ARL8B: variants seen among roughly 807,000 people sequenced by gnomAD.
The protein encoded by ARL8B is ARF like GTPase 8B.
In ARL8B, 9 loss-of-function variants were observed where a neutral mutation model predicts 30.6. The observed-to-expected ratio is 0.29, with a 90% CI of 0.18 to 0.51. The LOEUF is 0.51. ARL8B is among the 20% of genes least tolerant of loss of function. The probability of loss-of-function intolerance (pLI) is 0.97; values close to 1 mark genes in which losing one functional copy is unlikely to be tolerated. For missense variants in ARL8B, 130 were observed against 227.2 expected (o/e 0.57, Z 2.75); for synonymous variants, 74 against 76.0 (o/e 0.97, Z 0.14).
At chr3:5,128,432 C>CGGG (rs754856033) in intron 1 of ARL8B, 1 of 453,404 alleles carries the variant, frequency 2.2e-6, no homozygotes, top group South Asian at 1.6e-5. Context: ...CCTTCATCCC[C>CGGG]GCTCCAATTA....
intron 1 of ARL8B, among the ~76,000 whole-genome samples, chr3:5,136,359 A>G (rs1290429378): frequency 6.6e-6 from 1 of 152,202 alleles, no homozygotes; most frequent in Non-Finnish European, 1.5e-5. Flanking sequence ...TTCAATTCCA[A>G]TTCAGTCTGA....
chr3:5,162,608 C>G (rs771088155), intron 1 of ARL8B, among the ~76,000 whole-genome samples: 7 of 152,146 alleles, frequency 4.6e-5, no homozygotes, highest in Non-Finnish European at 7.3e-5. Flanking sequence ...TTAATTATAT[C>G]ACTAAGGAAT....
chr3:5,131,823 A>G (rs994069860), intron 1 of ARL8B, among the ~76,000 whole-genome samples: 3 of 152,022 alleles, frequency 2.0e-5, no homozygotes, highest in Non-Finnish European at 4.4e-5. Flanking sequence ...TCTTTTTTTC[A>G]GAGTTCCGGT....
chr3:5,157,471 G>A (rs575208547), intron 1 of ARL8B, among the ~76,000 whole-genome samples: 19 of 145,870 alleles, frequency 1.3e-4, no homozygotes, highest in African/African-American at 4.0e-4. Context: ...AGAAGGAATC[G>A]CAAAAAAACA....
At chr3:5,167,095 G>C (rs2054631272) in intron 1 of ARL8B, among the ~76,000 whole-genome samples, 1 of 152,130 alleles carries the variant, frequency 6.6e-6, no homozygotes, top group Non-Finnish European at 1.5e-5. Context: ...AAGATTCCCT[G>C]ACTTTGAGAA....
At chr3:5,134,082 A>G (rs2054305607) in intron 1 of ARL8B, among the ~76,000 whole-genome samples, 1 of 145,722 alleles carries the variant, frequency 6.9e-6, no homozygotes, top group Non-Finnish European at 1.5e-5. Context: ...CATTTCATCC[A>G]ATTCCTAATT....
At chr3:5,163,196 A>G (rs983362313) in intron 1 of ARL8B, among the ~76,000 whole-genome samples, 8 of 152,004 alleles carry the variant, frequency 5.3e-5, no homozygotes, top group African/African-American at 1.9e-4. Context: ...TATGTTGGCC[A>G]GGCTGGTCTC....
At chr3:5,134,821 G>A (rs1455746917) in intron 1 of ARL8B, among the ~76,000 whole-genome samples, 2 of 152,206 alleles carry the variant, frequency 1.3e-5, no homozygotes, top group Non-Finnish European at 2.9e-5. Flanking sequence ...CATAAAACAA[G>A]TTAGGAAATG....
At chr3:5,146,699 A>G (rs2054421616) in intron 1 of ARL8B, among the ~76,000 whole-genome samples, 1 of 152,158 alleles carries the variant, frequency 6.6e-6, no homozygotes, top group African/African-American at 2.4e-5. Context: ...GTCTCCACCC[A>G]GGAGGTTAGT....
At chr3:5,133,606 A>G (rs1308926455) in intron 1 of ARL8B, among the ~76,000 whole-genome samples, 1 of 152,086 alleles carries the variant, frequency 6.6e-6, no homozygotes, top group Admixed American at 6.6e-5. Context: ...ATGGGTTTAG[A>G]AGAAAAAGGG....
At chr3:5,135,944 G>A (rs571494719) in intron 1 of ARL8B, among the ~76,000 whole-genome samples, 5 of 151,132 alleles carry the variant, frequency 3.3e-5, no homozygotes, top group East Asian at 3.9e-4. Context: ...ATGCTGCCCC[G>A]CGTGGCTAAT....
chr3:5,141,198 G>A (rs1218433233), intron 1 of ARL8B, among the ~76,000 whole-genome samples: 2 of 152,178 alleles, frequency 1.3e-5, no homozygotes, highest in Admixed American at 1.3e-4. Context: ...TGCATGAGCT[G>A]TGTGGTTTAT....
intron 1 of ARL8B, among the ~76,000 whole-genome samples, chr3:5,137,543 A>G (rs920003026): frequency 3.3e-5 from 5 of 150,604 alleles, no homozygotes; most frequent in South Asian, 2.1e-4. Flanking sequence ...GGTTCAAGCA[A>G]TTCTCCTGCC....
intron 6 of ARL8B, among the ~76,000 whole-genome samples, chr3:5,174,671 T>C (rs1417666200): frequency 5.2e-5 from 3 of 57,582 alleles, no homozygotes; most frequent in Non-Finnish European, 9.3e-5. Flanking sequence ...ATATAATATA[T>C]GTAATATGTA....
At chr3:5,129,198 G>C (rs140078238) in intron 1 of ARL8B, among the ~76,000 whole-genome samples, 180 of 146,506 alleles carry the variant, frequency 1.2e-3, no homozygotes, top group Middle Eastern at 0.01. Context: ...TTTCCAGATA[G>C]AGTCTCGCTC....
intron 1 of ARL8B, among the ~76,000 whole-genome samples, chr3:5,143,963 CAT>C (rs1421595500): frequency 6.6e-6 from 1 of 151,750 alleles, no homozygotes. Flanking sequence ...GGAGACATTT[CAT>C]TCAAGGCATT....
chr3:5,142,885 G>A (rs534165271), intron 1 of ARL8B, among the ~76,000 whole-genome samples: 27 of 152,262 alleles, frequency 1.8e-4, no homozygotes, highest in African/African-American at 4.6e-4. Flanking sequence ...ATAGGGTTGC[G>A]TTCTAAATTT....
intron 2 of ARL8B, among the ~76,000 whole-genome samples, chr3:5,171,382 C>G (rs1559286264): frequency 6.6e-6 from 1 of 152,086 alleles, no homozygotes; most frequent in African/African-American, 2.4e-5. Flanking sequence ...TGGAGTTTCA[C>G]TCTTGTTGCC....
intron 1 of ARL8B, among the ~76,000 whole-genome samples, chr3:5,147,501 G>A (rs765175542): frequency 3.9e-5 from 6 of 151,926 alleles, no homozygotes; most frequent in Admixed American, 6.6e-5. Flanking sequence ...TTCCACACTC[G>A]TAACATCCAC....
Sources: allele counts gnomAD v4.1 joint callset (sites outside exome capture counted in the v4.1 genomes callset), GRCh38; gene constraint gnomAD v4.1.1; transcripts MANE v1.5; gene names NCBI Gene and HGNC (gene_info 2026-07-23, HGNC 2026-07-21).